Variants in GABRB1 observed in about 807,000 individuals in gnomAD.
GABRB1 encodes gamma-aminobutyric acid receptor subunit beta-1.
A neutral mutation model predicts 51.6 loss-of-function variants in GABRB1; 17 were observed. The observed-to-expected ratio is 0.33, with a 90% CI of 0.23 to 0.49. GABRB1 has a LOEUF of 0.49. GABRB1 is among the 20% of genes least tolerant of loss of function. The probability of loss-of-function intolerance (pLI) is 0.99; values close to 1 mark genes in which losing one functional copy is unlikely to be tolerated. For synonymous variants in GABRB1, 247 were observed against 218.9 expected (o/e 1.13, Z -1.14); for missense variants, 410 against 600.6 (o/e 0.68, Z 3.32).
At chr4:47,017,420 A>G (rs1277908590) in intron 1 of GABRB1, among the ~76,000 whole-genome samples, 1 of 152,226 alleles carries the variant, frequency 6.6e-6, no homozygotes, top group Non-Finnish European at 1.5e-5. Flanking sequence ...TTAACTGAGC[A>G]GTATATATCA....
In GABRB1 at chr4:47,314,447, A is replaced by G. The variant is rs1284047138; in HGVS notation, c.462-5680A>G. 2.0e-5 allele frequency among the ~76,000 whole-genome samples: 3 copies of G among 152,000 alleles called. No homozygotes were observed. The East Asian group carries it at 5.8e-4, about 29-fold the overall frequency. ...ATCAATGGTTCAATATTATATTTCA[A>G]TGCATGTCCTGATTTAATAATGGAG... On this transcript the variant is annotated intron_variant, in intron 4 of 8. Coordinates refer to ENST00000295454, the MANE Select transcript of GABRB1 (RefSeq NM_000812.4).
At chr4:47,163,287 T>C (rs1718040149) in intron 4 of GABRB1, among the ~76,000 whole-genome samples, 1 of 152,068 alleles carries the variant, frequency 6.6e-6, no homozygotes, top group African/African-American at 2.4e-5. Flanking sequence ...ATTATATTTC[T>C]CTAAAGTAGT....
At chr4:47,126,739 G>A (rs957986178) in intron 3 of GABRB1, among the ~76,000 whole-genome samples, 9 of 152,038 alleles carry the variant, frequency 5.9e-5, no homozygotes, top group Non-Finnish European at 1.2e-4. Flanking sequence ...TAGGAAGCTT[G>A]TCATTTGTTT....
chr4:47,274,251 G>T (rs1189786834), intron 4 of GABRB1, among the ~76,000 whole-genome samples: 1 of 152,070 alleles, frequency 6.6e-6, no homozygotes, highest in Non-Finnish European at 1.5e-5. Flanking sequence ...ATTTTATGCA[G>T]ATTATAAGCA....
chr4:47,374,128 T>C (rs1317892555), intron 5 of GABRB1, among the ~76,000 whole-genome samples: 1 of 152,222 alleles, frequency 6.6e-6, no homozygotes, highest in African/African-American at 2.4e-5. Flanking sequence ...ATCAAGAGGA[T>C]GTAAGACTCT....
chr4:47,359,993 T>C (rs575057827), intron 5 of GABRB1, among the ~76,000 whole-genome samples: 46 of 152,074 alleles, frequency 3.0e-4, no homozygotes, highest in Non-Finnish European at 5.7e-4. Flanking sequence ...ATTTCTATTT[T>C]GTTTCACTCT....
At chr4:47,222,057 A>C (rs1720788147) in intron 4 of GABRB1, among the ~76,000 whole-genome samples, 1 of 152,104 alleles carries the variant, frequency 6.6e-6, no homozygotes, top group Non-Finnish European at 1.5e-5. Context: ...AATGTGAAAA[A>C]CATAGCACTA....
chr4:47,084,849 G>A (rs957898379), intron 3 of GABRB1, among the ~76,000 whole-genome samples: 2 of 152,242 alleles, frequency 1.3e-5, no homozygotes, highest in East Asian at 3.9e-4. Context: ...ACTTTGAGTT[G>A]GCCCATGCAC....
chr4:47,426,189 C>CA lies in GABRB1; in HGVS notation c.*175dup. 2.0e-6 allele frequency: 1 copy of CA among 487,868 alleles called. No homozygotes were observed. The highest frequency in any genetic ancestry group is 3.3e-5 in the East Asian group (1 of 29,970). 30.2% of individuals were successfully genotyped at this position (487,868 alleles called of 1,614,324 possible). A position where few individuals can be genotyped will look rare whatever the true frequency, so the allele number is the denominator to read the frequency against. On this transcript the variant is annotated 3_prime_UTR_variant, in exon 9 of 9. Coordinates refer to ENST00000295454, the MANE Select transcript of GABRB1 (RefSeq NM_000812.4). ...CTGCACCATGTTTACTTCAAAAAGA[C>CA]AAAACAAAAAAAAAATTATTTTTCC...
intron 1 of GABRB1, among the ~76,000 whole-genome samples, chr4:47,023,666 C>A (rs1577833765): frequency 6.6e-6 from 1 of 152,028 alleles, no homozygotes; most frequent in South Asian, 2.1e-4. Flanking sequence ...TGGTTAATTT[C>A]TTTCTAGTCA....
At chr4:47,405,452 G>A (rs561681672) in intron 7 of GABRB1, among the ~76,000 whole-genome samples, 31 of 152,054 alleles carry the variant, frequency 2.0e-4, no homozygotes, top group African/African-American at 7.5e-4. Flanking sequence ...TTATTTTTAA[G>A]AGCCTCTATC....
chr4:47,287,659 G>A (rs1265209193), intron 4 of GABRB1, among the ~76,000 whole-genome samples: 1 of 152,076 alleles, frequency 6.6e-6, no homozygotes, highest in Non-Finnish European at 1.5e-5. Flanking sequence ...GAGTTTGTTT[G>A]GACTTACTTC....
At chr4:47,008,509 C>G (rs1029282894) in intron 1 of GABRB1, among the ~76,000 whole-genome samples, 4 of 151,138 alleles carry the variant, frequency 2.6e-5, no homozygotes, top group African/African-American at 9.7e-5. Context: ...TTTGCCCCAG[C>G]TGGAGTGTAG....
At chr4:47,110,443 A>C (rs1025437147) in intron 3 of GABRB1, among the ~76,000 whole-genome samples, 1 of 152,218 alleles carries the variant, frequency 6.6e-6, no homozygotes, top group Non-Finnish European at 1.5e-5. Flanking sequence ...TGCACAAGCC[A>C]TCAGAATATA....
At chr4:47,388,377 T>G (rs2110036353) in intron 5 of GABRB1, among the ~76,000 whole-genome samples, 2 of 152,212 alleles carry the variant, frequency 1.3e-5, no homozygotes, top group South Asian at 4.2e-4. Flanking sequence ...AATTTACATA[T>G]TGTCCAAACA....
At chr4:47,360,797 A>AT (rs761815298) in intron 5 of GABRB1, among the ~76,000 whole-genome samples, 9 of 152,112 alleles carry the variant, frequency 5.9e-5, no homozygotes, top group Non-Finnish European at 1.3e-4. Flanking sequence ...AAGAATCCAC[A>AT]TAATTAAGAC....
chr4:47,223,078 C>T (rs548335583), intron 4 of GABRB1, among the ~76,000 whole-genome samples: 1 of 152,128 alleles, frequency 6.6e-6, no homozygotes, highest in South Asian at 2.1e-4. Context: ...GCAATAATAC[C>T]ACCTACCGGG....
At chr4:47,364,561 T>G (rs900783456) in intron 5 of GABRB1, among the ~76,000 whole-genome samples, 2 of 147,524 alleles carry the variant, frequency 1.4e-5, no homozygotes, top group African/African-American at 5.0e-5. Context: ...AAATGGAAGG[T>G]TCAACAAAGA....
At chr4:47,333,032 T>C (rs1331435483) in intron 5 of GABRB1, among the ~76,000 whole-genome samples, 10 of 150,150 alleles carry the variant, frequency 6.7e-5, no homozygotes, top group Non-Finnish European at 1.3e-4. Flanking sequence ...ATCTATGTAA[T>C]AAGAAGTCAA....
Sources: gnomAD v4.1 joint callset for allele counts (sites outside exome capture counted in the v4.1 genomes callset) on GRCh38, gnomAD v4.1.1 for gene constraint, MANE v1.5 for transcripts, NCBI Gene and HGNC (gene_info 2026-07-23, HGNC 2026-07-21) for gene names.